MEGF6: variants seen among roughly 807,000 people sequenced by gnomAD.
The protein encoded by MEGF6 is multiple EGF like domains 6, also known as multiple epidermal growth factor-like domains protein 6.
Under a neutral mutation model 207.1 loss-of-function variants are expected in MEGF6, and 184 were observed. That is an observed-to-expected ratio of 0.89 (90% CI 0.79 to 1.00). The LOEUF (loss-of-function observed/expected upper bound fraction) is 1.00, where lower values mean the gene tolerates loss of function less well. Ranked by LOEUF, MEGF6 falls within the 50% of genes least tolerant of loss-of-function variation. The pLI, the probability that MEGF6 is intolerant of heterozygous loss-of-function variation, is 0.00. For synonymous variants in MEGF6, 1,038 were observed against 910.0 expected (o/e 1.14, Z -2.53); for missense variants, 2,282 against 2,202.9 (o/e 1.04, Z -0.72).
Position 3,499,246 on chromosome 1 carries a change from C to A in MEGF6, c.2986G>T (p.Gly996Trp). The A allele has an allele frequency of 6.2e-7, 1 of 1,606,064 alleles. No individual in the cohort carries two copies. The highest frequency in any genetic ancestry group is 1.7e-5 in the Admixed American group (1 of 59,276). ...GCACAGGCCTGGCTGCAATTGTGCC[C>A]GTAGGTGTGGGCTGGGCAGGCTGCA... is the stretch of plus-strand genomic sequence containing the variant. ...CAETCPAHTY[G>W]HNCSQACACF... is the part of the protein sequence containing the mutation. Residue 996 changes from glycine to tryptophan, a missense_variant, in exon 24 of 37, where the codon GGG becomes TGG. Physicochemically the swap from Gly to Trp is radical, Grantham distance 184 (BLOSUM62 -2). Transcript: ENST00000356575.
Position 3,591,815 on chromosome 1 carries a change from GGGGCTGGTGGGGGCTGCT to G in MEGF6, c.376+3505_376+3522del, listed in dbSNP as rs1240340491. ...GGGACCGGATGGGGGCACCAGCGAG[GGGGCTGGTGGGGGCTGCT>G]ACCAAGGTCTCGTAGCTCACAAGGG... On this transcript the variant is annotated intron_variant, in intron 3 of 36. Transcript: ENST00000356575. Among the ~76,000 whole-genome samples, 92 of 104,838 alleles carry G rather than the reference GGGGCTGGTGGGGGCTGCT, an allele frequency of 8.8e-4. 3 individuals carry two copies. Among genetic ancestry groups the G allele is most frequent in the African/African-American group, 3.0e-3 (89 of 29,646 alleles). The allele number at this position is 104,838 out of a possible 152,430, so 68.8% of individuals were successfully genotyped here. A position where few individuals can be genotyped will look rare whatever the true frequency, so the allele number is the denominator to read the frequency against.
At chr1:3,616,911 T>C in the MEGF6 span, among the ~76,000 whole-genome samples, 73 of 152,316 alleles carry the variant, frequency 4.8e-4, no homozygotes, top group Middle Eastern at 0.014. Context: ...TGAATGACAA[T>C]GGAGACAGCA....
intron 36 of MEGF6, 120 bp from the exon 37 acceptor site, chr1:3,490,709 T>C: frequency 1.9e-6 from 2 of 1,025,906 alleles, no homozygotes; most frequent in Non-Finnish European, 2.8e-6. Flanking sequence ...GCCCAGCAGG[T>C]GGGTGGGGCC....
chr1:3,536,487 C>T (rs2101457270), intron 4 of MEGF6, among the ~76,000 whole-genome samples: 1 of 152,268 alleles, frequency 6.6e-6, no homozygotes, highest in Non-Finnish European at 1.5e-5. Flanking sequence ...GGAGCCCGGG[C>T]GTGGCCGTGG....
chr1:3,583,431 CACAGCCACCAGACAACG>C (rs1643851185), intron 3 of MEGF6, among the ~76,000 whole-genome samples: 1 of 66,180 alleles, frequency 1.5e-5, no homozygotes, highest in Non-Finnish European at 2.8e-5. Context: ...CCAGACAACG[CACAGCCACCAGACAACG>C]CGCAGCCACC....
At chr1:3,612,340 G>A (rs1016508882), upstream of MEGF6, among the ~76,000 whole-genome samples, 6 of 152,082 alleles carry the variant, frequency 3.9e-5, no homozygotes, top group African/African-American at 1.2e-4. Flanking sequence ...GTGCCCATGG[G>A]CAGAGAGGCA....
At chr1:3,511,948 C>T (rs1323302908) in intron 8 of MEGF6, 58 bp downstream of exon 8, 18 of 1,609,006 alleles carry the variant, frequency 1.1e-5, no homozygotes, top group Non-Finnish European at 1.4e-5. Context: ...CCTCGGGGTC[C>T]TGGGGAGCAG....
chr1:3,586,747 G>A (rs1249028576), intron 3 of MEGF6, among the ~76,000 whole-genome samples: 1 of 152,192 alleles, frequency 6.6e-6, no homozygotes, highest in African/African-American at 2.4e-5. Flanking sequence ...GGGCCCTGCA[G>A]CCCCTTCCCA....
At chr1:3,619,226 C>T in the MEGF6 span, among the ~76,000 whole-genome samples, 1 of 152,182 alleles carries the variant, frequency 6.6e-6, no homozygotes, top group Non-Finnish European at 1.5e-5. Flanking sequence ...CCTTCAAAGC[C>T]CCAAGAAATA....
intron 4 of MEGF6, among the ~76,000 whole-genome samples, chr1:3,551,903 T>C (rs2101593631): frequency 6.6e-6 from 1 of 152,336 alleles, no homozygotes; most frequent in South Asian, 2.1e-4. Context: ...CGCAGAAGCC[T>C]GAGAGCTGAG....
chr1:3,580,555 C>G (rs1643771256), intron 3 of MEGF6, among the ~76,000 whole-genome samples: 1 of 111,216 alleles, frequency 9.0e-6, no homozygotes, highest in Non-Finnish European at 2.2e-5. Flanking sequence ...AAGGCAGGGG[C>G]TCTGGAGAGA....
intron 5 of MEGF6, among the ~76,000 whole-genome samples, chr1:3,518,350 C>T (rs1255739936): frequency 1.4e-4 from 22 of 152,240 alleles, no homozygotes; most frequent in Admixed American, 1.3e-4. Flanking sequence ...CAGGTCCACT[C>T]GGGCTGGGGT....
At chr1:3,610,510 C>CA (rs1268869233) in intron 1 of MEGF6, among the ~76,000 whole-genome samples, 410 of 20,068 alleles carry the variant, frequency 0.02, 3 homozygotes, top group Admixed American at 0.085. Flanking sequence ...TCCACTGCCG[C>CA]ACGTTTTCCT....
chr1:3,598,819 C>T (rs143533936), intron 2 of MEGF6, among the ~76,000 whole-genome samples: 72 of 150,936 alleles, frequency 4.8e-4, no homozygotes, highest in Non-Finnish European at 8.8e-4. Context: ...GGGACCTGAG[C>T]GGCAGCTCCA....
chr1:3,534,623 C>T (rs765279850), intron 4 of MEGF6, among the ~76,000 whole-genome samples: 4 of 152,274 alleles, frequency 2.6e-5, no homozygotes, highest in East Asian at 1.9e-4. Context: ...TGCCCCTTCC[C>T]GGCCCTTTGC....
chr1:3,568,379 A>G (rs1643408290), intron 4 of MEGF6, among the ~76,000 whole-genome samples: 1 of 148,476 alleles, frequency 6.7e-6, no homozygotes, highest in South Asian at 2.1e-4. Context: ...TAGGTCCCAC[A>G]TGGGGGCTTC....
In MEGF6 at chr1:3,493,968, G is replaced by T. The variant is rs1198920129; in HGVS notation, c.4258+28C>A. On this transcript the variant is annotated intron_variant, in intron 33 of 36. Coordinates refer to ENST00000356575, the MANE Select transcript of MEGF6 (RefSeq NM_001409.4). The stretch of plus-strand genomic sequence containing the variant: ...CCAGACGGGACGGGGCCAGGGAGCG[G>T]GGGTTCAGGGAGGCACCAAGCACTC... The T allele has an allele frequency of 3.8e-6, 6 of 1,586,750 alleles. No individual in the cohort carries two copies. The Admixed American group carries it at 1.1e-4, about 29-fold the overall frequency.
upstream of MEGF6, chr1:3,611,511 C>T: frequency 2.3e-6 from 1 of 443,802 alleles, no homozygotes; most frequent in Non-Finnish European, 3.8e-6. Flanking sequence ...AGCACAGTGC[C>T]CCGGACTCAG....
chr1:3,511,317 C>G (rs576768131), intron 9 of MEGF6, among the ~76,000 whole-genome samples: 1 of 152,106 alleles, frequency 6.6e-6, no homozygotes, highest in South Asian at 2.1e-4. Flanking sequence ...AAGGGGGTGC[C>G]GTGAACATGG....
Sources: allele counts gnomAD v4.1 joint callset (sites outside exome capture counted in the v4.1 genomes callset), GRCh38; gene constraint gnomAD v4.1.1; transcripts MANE v1.5; gene names NCBI Gene and HGNC (gene_info 2026-07-23, HGNC 2026-07-21).